Variants in SEM1 observed in about 807,000 individuals in gnomAD.
The protein encoded by SEM1 is SEM1 26S proteasome subunit.
SEM1 carries 3 observed loss-of-function variants against 12.7 expected under a neutral mutation model. The observed-to-expected ratio is 0.24, with a 90% CI of 0.11 to 0.61. The LOEUF (loss-of-function observed/expected upper bound fraction) is 0.61. SEM1 is among the 20% of genes least tolerant of loss of function. The pLI is 0.88. For missense variants in SEM1, 59 were observed against 81.3 expected (o/e 0.73, Z 1.06); for synonymous variants, 30 against 27.8 (o/e 1.08, Z -0.25).
At chr7:96,701,602 C>T (rs1019185370) in intron 1 of SEM1, among the ~76,000 whole-genome samples, 1 of 152,106 alleles carries the variant, frequency 6.6e-6, no homozygotes, top group Non-Finnish European at 1.5e-5. Flanking sequence ...GTAATTCTTT[C>T]ATGACTCTAA....
rs895339732 is a variant in SEM1 at position 96,640,393 on chromosome 7, TA to T, written c.171-17751del. Among the ~76,000 whole-genome samples the T allele has an allele frequency of 6.6e-6, 1 of 151,928 alleles. No individual in the cohort carries two copies. Among genetic ancestry groups the T allele is most frequent in the Non-Finnish European group, 1.5e-5 (1 of 67,910 alleles). Reference sequence around the variant, plus strand: ...AAGATAATGGACTATTTTCCAGTGCTAAAAAGAAATGAGCTACCAAGCCATG... The same window carrying T: ...AAGATAATGGACTATTTTCCAGTGCTAAAAGAAATGAGCTACCAAGCCATG... On this transcript the variant is annotated intron_variant, in intron 2 of 2. Coordinates refer to the SEM1 transcript ENST00000417009. This position sits in a 1 kb window ranked among gnomAD's most constrained non-coding sequence, Gnocchi z 4.0.
At chr7:96,482,534 C>T (rs1480359493) in exon 4 of SEM1, 1 of 152,126 alleles carries the variant, frequency 6.6e-6, no homozygotes, top group Non-Finnish European at 1.5e-5. Context: ...ACTTTACATA[C>T]AGTCTTGTAT....
intron 2 of SEM1, among the ~76,000 whole-genome samples, chr7:96,571,224 C>T (rs1213702673): frequency 1.3e-5 from 2 of 152,062 alleles, no homozygotes; most frequent in African/African-American, 4.8e-5. Flanking sequence ...TCCCATTTGT[C>T]AATTTTGGCT....
chr7:96,645,700 C>T (rs1808768139), intron 2 of SEM1: 1 of 397,774 alleles, frequency 2.5e-6, no homozygotes, highest in East Asian at 3.6e-5. Flanking sequence ...CATGGAGCCC[C>T]GATGAGTTTA....
At chr7:96,518,730 T>G (rs896957723) in intron 2 of SEM1, among the ~76,000 whole-genome samples, 2 of 152,188 alleles carry the variant, frequency 1.3e-5, no homozygotes, top group African/African-American at 4.8e-5. Context: ...TGTATCTCTT[T>G]GCGAATTATT....
intron 3 of SEM1, among the ~76,000 whole-genome samples, chr7:96,503,819 C>T (rs961689193): frequency 1.3e-5 from 2 of 152,088 alleles, no homozygotes; most frequent in African/African-American, 4.8e-5. Context: ...TGGTAAAGTG[C>T]ATGGGGTCAG....
rs529096973 is a variant in SEM1 at position 96,522,025 on chromosome 7, GA to G, written c.171-15328del. On this transcript the variant is annotated intron_variant and NMD_transcript_variant, in intron 2 of 3. Transcript: ENST00000466986. ...GGAAACAGATCTTAGAGAAAGAGAA[GA>G]AAAAAAGTAAATAAAATTTTGTCTT... is the stretch of plus-strand genomic sequence containing the variant. Among the ~76,000 whole-genome samples, 447 of 152,068 alleles carry G rather than the reference GA, an allele frequency of 2.9e-3. 2 individuals carry two copies. Among genetic ancestry groups the G allele is most frequent in the Middle Eastern group, 0.01 (3 of 294 alleles).
At chr7:96,674,585 T>C (rs1789405385) in intron 2 of SEM1, among the ~76,000 whole-genome samples, 1 of 152,070 alleles carries the variant, frequency 6.6e-6, no homozygotes, top group Non-Finnish European at 1.5e-5. Flanking sequence ...GAGGATGGTT[T>C]GGGCTCGGGA....
chr7:96,509,637 C>T (rs760460930), intron 2 of SEM1, among the ~76,000 whole-genome samples: 1 of 152,080 alleles, frequency 6.6e-6, no homozygotes, highest in Non-Finnish European at 1.5e-5. Context: ...AAGGTAGAAG[C>T]AACCCAAGTA....
At chr7:96,554,633 T>C (rs1332986028) in intron 2 of SEM1, among the ~76,000 whole-genome samples, 1 of 151,728 alleles carries the variant, frequency 6.6e-6, no homozygotes, top group East Asian at 1.9e-4. Context: ...TCAATGTTAA[T>C]CAAGGATATT....
chr7:96,687,337 G>T (rs547226059), downstream of SEM1, among the ~76,000 whole-genome samples: 2 of 152,242 alleles, frequency 1.3e-5, no homozygotes, highest in South Asian at 4.1e-4. Flanking sequence ...ACATGCACAC[G>T]TATGTTTATT....
At chr7:96,688,232 T>C (rs1789820048), downstream of SEM1, 1 of 152,176 alleles carries the variant, frequency 6.6e-6, no homozygotes, top group Non-Finnish European at 1.5e-5. Context: ...GAGCCTGCTA[T>C]GTAGTACCTG....
chr7:96,578,646 T>C (rs1022517394), intron 2 of SEM1, among the ~76,000 whole-genome samples: 1 of 152,222 alleles, frequency 6.6e-6, no homozygotes, highest in Admixed American at 6.5e-5. Context: ...AAGACATTGG[T>C]AAAGATATGG....
At chr7:96,580,504 C>G (rs1563070170) in intron 2 of SEM1, among the ~76,000 whole-genome samples, 1 of 151,870 alleles carries the variant, frequency 6.6e-6, no homozygotes, top group Non-Finnish European at 1.5e-5. Flanking sequence ...ATGGCTGGGT[C>G]AAATGGTATT....
chr7:96,700,885 T>G (rs909999677), intron 1 of SEM1, among the ~76,000 whole-genome samples: 1 of 152,192 alleles, frequency 6.6e-6, no homozygotes, highest in Non-Finnish European at 1.5e-5. Context: ...CCCTAAATAA[T>G]GTATGTTACT....
downstream of SEM1, among the ~76,000 whole-genome samples, chr7:96,618,703 C>G (rs949071344): frequency 6.6e-6 from 1 of 151,888 alleles, no homozygotes; most frequent in Non-Finnish European, 1.5e-5. Flanking sequence ...TTTGTATTTC[C>G]TTCAATTAAT....
At chr7:96,664,353 G>C (rs1477830820) in intron 2 of SEM1, 2 of 152,182 alleles carry the variant, frequency 1.3e-5, no homozygotes, top group African/African-American at 4.8e-5. Context: ...TTGTAGGACT[G>C]AGTTCCCTGT....
At chr7:96,608,045 G>T (rs908070566) in intron 2 of SEM1, among the ~76,000 whole-genome samples, 1 of 152,160 alleles carries the variant, frequency 6.6e-6, no homozygotes, top group Admixed American at 6.5e-5. Flanking sequence ...TCTGATGATG[G>T]TATGTGTGGG....
intron 2 of SEM1, among the ~76,000 whole-genome samples, chr7:96,612,697 G>A (rs1013941384): frequency 1.2e-4 from 19 of 152,180 alleles, no homozygotes; most frequent in Non-Finnish European, 2.1e-4. Flanking sequence ...GTGCAGTGGC[G>A]CAATCTCAGC....
Sources: allele counts gnomAD v4.1 joint callset (sites outside exome capture counted in the v4.1 genomes callset), GRCh38; gene constraint gnomAD v4.1.1; non-coding constraint Gnocchi (gnomAD v3.1); transcripts MANE v1.5; gene names NCBI Gene and HGNC (gene_info 2026-07-23, HGNC 2026-07-21).